SERPINI1: variants seen among roughly 807,000 people sequenced by gnomAD.
The protein encoded by SERPINI1 is serpin family I member 1.
A neutral mutation model predicts 41.1 loss-of-function variants in SERPINI1; 19 were observed. The ratio of observed to expected loss-of-function variants is 0.46; its 90% CI spans 0.32 to 0.68. The LOEUF is 0.68. SERPINI1 is among the 30% of genes least tolerant of loss of function. The pLI, the probability that SERPINI1 is intolerant of heterozygous loss-of-function variation, is 0.03. For missense variants in SERPINI1, 460 were observed against 479.2 expected (o/e 0.96, Z 0.37); for synonymous variants, 138 against 156.6 (o/e 0.88, Z 0.89).
chr3:167,789,188 T>C lies in SERPINI1; in HGVS notation c.60T>C (p.Thr20=). The C allele has an allele frequency of 6.2e-7, 1 of 1,614,176 alleles. No individual in the cohort carries two copies. The highest frequency in any genetic ancestry group is 1.7e-5 in the Admixed American group (1 of 60,026). Residue 20 remains threonine, a synonymous_variant, in exon 2 of 9, where the codon ACT becomes ACC. Coordinates refer to ENST00000446050, the MANE Select transcript of SERPINI1 (RefSeq NM_001122752.2). ...TGCAAAGTATGGCTACAGGGGCCAC[T>C]TTCCCTGAGGAAGCCATTGCTGACT... The part of the protein sequence containing the change: ...LVLQSMATGA[T]FPEEAIADLS...
chr3:167,771,847 G>GTA (rs10658292), intron 1 of SERPINI1, among the ~76,000 whole-genome samples: 597 of 149,792 alleles, frequency 4.0e-3, no homozygotes, highest in African/African-American at 0.014. Flanking sequence ...GTGTGTGTGT[G>GTA]CGCGCACGCG....
At chr3:167,803,839 A>G (rs1431435779) in intron 5 of SERPINI1, among the ~76,000 whole-genome samples, 2 of 152,226 alleles carry the variant, frequency 1.3e-5, no homozygotes, top group Non-Finnish European at 2.9e-5. Context: ...TTGGTTATAC[A>G]GGTTATTTCA....
intron 1 of SERPINI1, among the ~76,000 whole-genome samples, chr3:167,772,881 TATATATATATATACACACAC>T (rs1560002602): frequency 4.4e-5 from 3 of 68,716 alleles, no homozygotes; most frequent in African/African-American, 2.0e-4. Context: ...TATATATATA[TATATATATATATACACACAC>T]ACACACACAC....
chr3:167,736,753 T>C (rs772244277), intron 1 of SERPINI1, among the ~76,000 whole-genome samples: 17 of 152,234 alleles, frequency 1.1e-4, no homozygotes, highest in Non-Finnish European at 2.4e-4. Flanking sequence ...TTAATTGTAA[T>C]ACCTATGGAT....
At chr3:167,783,034 C>T (rs948267074) in intron 1 of SERPINI1, among the ~76,000 whole-genome samples, 1 of 152,094 alleles carries the variant, frequency 6.6e-6, no homozygotes, top group Non-Finnish European at 1.5e-5. Context: ...TGAGAGAACT[C>T]CTGAGGTTTT....
chr3:167,771,546 G>A (rs914031902), intron 1 of SERPINI1, among the ~76,000 whole-genome samples: 1 of 152,222 alleles, frequency 6.6e-6, no homozygotes, highest in Non-Finnish European at 1.5e-5. Flanking sequence ...ACAAGGGAAT[G>A]TGGGGAAGAG....
chr3:167,799,714 G>A (rs1393104086), intron 5 of SERPINI1, among the ~76,000 whole-genome samples: 1 of 152,150 alleles, frequency 6.6e-6, no homozygotes, highest in Admixed American at 6.5e-5. Context: ...GTTGTTTTCT[G>A]ACTTTTTAAT....
At chr3:167,822,406 GTTAT>G (rs1427999022) in intron 6 of SERPINI1, among the ~76,000 whole-genome samples, 1 of 152,128 alleles carries the variant, frequency 6.6e-6, no homozygotes, top group Non-Finnish European at 1.5e-5. Flanking sequence ...CTAAAAATGT[GTTAT>G]TTCCTCTTAT....
At chr3:167,755,792 TGA>T (rs1726174287) in intron 1 of SERPINI1, among the ~76,000 whole-genome samples, 1 of 144,372 alleles carries the variant, frequency 6.9e-6, no homozygotes, top group African/African-American at 2.7e-5. Flanking sequence ...TAGGTGTTGC[TGA>T]TTTTTTTTTT....
intron 1 of SERPINI1, among the ~76,000 whole-genome samples, chr3:167,783,219 G>A (rs933323766): frequency 4.6e-5 from 7 of 152,160 alleles, no homozygotes; most frequent in Non-Finnish European, 4.4e-5. Context: ...GTGGCCATGG[G>A]AATGGCCATG....
intron 5 of SERPINI1, among the ~76,000 whole-genome samples, chr3:167,795,685 C>T (rs1727687256): frequency 6.6e-6 from 1 of 152,054 alleles, no homozygotes; most frequent in East Asian, 1.9e-4. Flanking sequence ...TACTTGTTAC[C>T]ATCCCATAAT....
At chr3:167,812,508 T>C (rs541298766) in intron 6 of SERPINI1, among the ~76,000 whole-genome samples, 1 of 152,206 alleles carries the variant, frequency 6.6e-6, no homozygotes, top group Non-Finnish European at 1.5e-5. Context: ...CCAGAAGTAA[T>C]CGTTCCTTCT....
intron 1 of SERPINI1, among the ~76,000 whole-genome samples, chr3:167,760,683 T>A (rs1726348336): frequency 6.6e-6 from 1 of 152,102 alleles, no homozygotes; most frequent in African/African-American, 2.4e-5. Flanking sequence ...TCTGGATTTA[T>A]CTAATCTGGC....
At chr3:167,801,089 A>T (rs1577425931) in intron 5 of SERPINI1, among the ~76,000 whole-genome samples, 2 of 152,222 alleles carry the variant, frequency 1.3e-5, no homozygotes, top group African/African-American at 2.4e-5. Flanking sequence ...AAGTGCTGGG[A>T]TTACAGGCAT....
chr3:167,761,191 A>T (rs1726367516), intron 1 of SERPINI1, among the ~76,000 whole-genome samples: 1 of 152,214 alleles, frequency 6.6e-6, no homozygotes, highest in East Asian at 1.9e-4. Flanking sequence ...AAGACTAGCC[A>T]CTGGGTTGCA....
At chr3:167,798,948 C>T (rs1410695454) in intron 5 of SERPINI1, among the ~76,000 whole-genome samples, 3 of 152,094 alleles carry the variant, frequency 2.0e-5, no homozygotes, top group African/African-American at 7.2e-5. Flanking sequence ...GCAATATACC[C>T]ATGTAACAAA....
At chr3:167,740,471 A>G (rs191016170) in intron 1 of SERPINI1, among the ~76,000 whole-genome samples, 4 of 152,342 alleles carry the variant, frequency 2.6e-5, no homozygotes, top group East Asian at 1.9e-4. Flanking sequence ...ATCCTTTTAC[A>G]TAGTTCATAC....
intron 1 of SERPINI1, among the ~76,000 whole-genome samples, chr3:167,777,335 G>T (rs962038689): frequency 6.6e-6 from 1 of 152,016 alleles, no homozygotes; most frequent in Admixed American, 6.5e-5. Flanking sequence ...AGTTCTAAAA[G>T]GACACAAAAT....
At position 167,758,048 on chromosome 3, in the gene SERPINI1, C is replaced by A. The variant is rs140804473; in HGVS notation, c.-19+22225C>A. Among the ~76,000 whole-genome samples, 38 of 152,326 alleles carry A rather than the reference C, an allele frequency of 2.5e-4. No homozygotes were observed. In the East Asian group the frequency reaches 6.4e-3, roughly 25 times the overall value. ...GATTTATGTAACACAAATCCCTATG[C>A]AACAGACAGGAAGTAATATTAATTC... On this transcript the variant is annotated intron_variant, in intron 1 of 8. Transcript: ENST00000446050.
Sources: allele counts gnomAD v4.1 joint callset (sites outside exome capture counted in the v4.1 genomes callset), GRCh38; gene constraint gnomAD v4.1.1; transcripts MANE v1.5; gene names NCBI Gene and HGNC (gene_info 2026-07-23, HGNC 2026-07-21).